The following KLHL7 variants were observed in gnomAD, a reference collection of about 807,000 sequenced individuals.
The protein encoded by KLHL7 is kelch like family member 7.
In KLHL7, 44 loss-of-function variants were observed where a neutral mutation model predicts 67.4. The observed-to-expected ratio is 0.65, with a 90% CI of 0.51 to 0.84. The LOEUF (loss-of-function observed/expected upper bound fraction) is 0.84, where lower values mean the gene tolerates loss of function less well. Among genes scored for constraint, KLHL7 ranks in the 40% least tolerant of loss-of-function variants. KLHL7 has a pLI of 0.00. For synonymous variants in KLHL7, 252 were observed against 243.3 expected (o/e 1.04, Z -0.33); for missense variants, 362 against 718.1 (o/e 0.50, Z 5.67).
intron 1 of KLHL7, among the ~76,000 whole-genome samples, chr7:23,121,865 G>T (rs1488962631): frequency 6.6e-6 from 1 of 151,856 alleles, no homozygotes; most frequent in African/African-American, 2.4e-5. Flanking sequence ...TGTATTTTTA[G>T]TAGAGGCGGG....
At chr7:23,106,715 CCT>C in intron 1 of KLHL7, 2 of 995,984 alleles carry the variant, frequency 2.0e-6, no homozygotes, top group Non-Finnish European at 2.4e-6. Context: ...GCACTGTGCG[CCT>C]CTGTTATTAA....
At chr7:23,107,178 T>C (rs532308647) in intron 1 of KLHL7, among the ~76,000 whole-genome samples, 117 of 152,374 alleles carry the variant, frequency 7.7e-4, no homozygotes, top group Non-Finnish European at 1.4e-3. Flanking sequence ...CCTGCTACAG[T>C]GCACCAGTGC....
chr7:23,164,695 AT>A (rs1365267601), intron 7 of KLHL7, among the ~76,000 whole-genome samples: 1 of 152,240 alleles, frequency 6.6e-6, no homozygotes, highest in African/African-American at 2.4e-5. Flanking sequence ...AGTATTCTAC[AT>A]TAGGGGCTCT....
chr7:23,141,065 C>A, intron 5 of KLHL7, 121 bp downstream of exon 5: 2 of 891,442 alleles, frequency 2.2e-6, no homozygotes, highest in African/African-American at 1.7e-5. Context: ...GTTCTTTACA[C>A]TAAACAGAGT....
At chr7:23,119,307 C>T (rs1174718862) in intron 1 of KLHL7, among the ~76,000 whole-genome samples, 4 of 152,166 alleles carry the variant, frequency 2.6e-5, no homozygotes, top group African/African-American at 9.6e-5. Flanking sequence ...TGGGTTCAAG[C>T]GATTCTCATG....
chr7:23,137,485 T>TG (rs199727229), intron 4 of KLHL7, among the ~76,000 whole-genome samples: 184 of 101,714 alleles, frequency 1.8e-3, no homozygotes, highest in African/African-American at 0.011. Context: ...CAAAACTGTC[T>TG]TTTTTTTTTT....
chr7:23,164,608 A>G (rs1043949126), intron 7 of KLHL7, among the ~76,000 whole-genome samples: 4 of 151,042 alleles, frequency 2.6e-5, no homozygotes, highest in African/African-American at 9.8e-5. Context: ...TTAATTAGAG[A>G]ATAACATCCT....
At chr7:23,120,840 G>A (rs73272061) in intron 1 of KLHL7, among the ~76,000 whole-genome samples, 2,589 of 152,266 alleles carry the variant, frequency 0.017, 92 homozygotes, top group African/African-American at 0.059. Flanking sequence ...TGGGATTACA[G>A]ATGTAACCCA....
At chr7:23,116,232 C>T (rs570548264) in intron 1 of KLHL7, among the ~76,000 whole-genome samples, 2 of 152,322 alleles carry the variant, frequency 1.3e-5, no homozygotes, top group East Asian at 3.9e-4. Flanking sequence ...GGTTTGTCCT[C>T]CTTTCCTCTC....
At chr7:23,172,416 G>T (rs1785190070) in intron 9 of KLHL7, among the ~76,000 whole-genome samples, 1 of 152,140 alleles carries the variant, frequency 6.6e-6, no homozygotes, top group African/African-American at 2.4e-5. Context: ...GCAGCATAAA[G>T]TTCTTAGTGT....
intron 4 of KLHL7, among the ~76,000 whole-genome samples, chr7:23,128,089 C>T (rs970122881): frequency 2.1e-4 from 31 of 149,596 alleles, no homozygotes; most frequent in Non-Finnish European, 4.3e-4. Flanking sequence ...GCCGAGATTG[C>T]GCCACTGCAC....
At chr7:23,111,126 C>T (rs781698210) in intron 1 of KLHL7, among the ~76,000 whole-genome samples, 1 of 152,060 alleles carries the variant, frequency 6.6e-6, no homozygotes, top group Non-Finnish European at 1.5e-5. Context: ...AGGAGAATAA[C>T]ATGGTACAAC....
At position 23,152,058 on chromosome 7, in the gene KLHL7, T is replaced by G; in HGVS notation, c.794-9T>G. ...AGTTCTTGAAGCGTTGCCATGTATT[T>G]TACTACAGGTGGAATGAGGTACCAT... On this transcript the variant is annotated splice_polypyrimidine_tract_variant and intron_variant, in intron 6 of 10. Coordinates refer to ENST00000339077, the MANE Select transcript of KLHL7 (RefSeq NM_001031710.3). 1 of 1,613,738 alleles carries G rather than the reference T, an allele frequency of 6.2e-7. No homozygotes were observed. The highest frequency in any genetic ancestry group is 8.5e-7 in the Non-Finnish European group (1 of 1,179,706).
At chr7:23,151,639 C>G (rs911409847) in intron 6 of KLHL7, among the ~76,000 whole-genome samples, 2 of 152,182 alleles carry the variant, frequency 1.3e-5, no homozygotes, top group Non-Finnish European at 2.9e-5. Context: ...ATACCAATTC[C>G]TAAACACTAC....
chr7:23,157,508 C>G (rs766701830), intron 7 of KLHL7, among the ~76,000 whole-genome samples: 1 of 152,214 alleles, frequency 6.6e-6, no homozygotes, highest in African/African-American at 2.4e-5. Flanking sequence ...GTTTGTTAGA[C>G]AGGTGGTCTT....
intron 9 of KLHL7, among the ~76,000 whole-genome samples, chr7:23,172,497 GT>G (rs2128470387): frequency 6.6e-6 from 1 of 152,248 alleles, no homozygotes; most frequent in African/African-American, 2.4e-5. Flanking sequence ...CCCATTATAA[GT>G]TTGTGTTTTA....
chr7:23,143,771 C>G, intron 5 of KLHL7, 80 bp from the exon 6 acceptor site: 1 of 1,398,070 alleles, frequency 7.2e-7, no homozygotes, highest in South Asian at 1.2e-5. Context: ...GGTTCTCTCC[C>G]TTCAATATGA....
chr7:23,165,669 T>G (rs770091967), intron 7 of KLHL7, 29 bp from the exon 8 acceptor site: 5 of 1,613,876 alleles, frequency 3.1e-6, no homozygotes, highest in Non-Finnish European at 4.2e-6. Flanking sequence ...TTTTCCTTAC[T>G]GAAAGCTTCC....
chr7:23,141,839 G>T (rs569890790), intron 5 of KLHL7, among the ~76,000 whole-genome samples: 1 of 152,216 alleles, frequency 6.6e-6, no homozygotes, highest in South Asian at 2.1e-4. Context: ...TAGCCAGGAT[G>T]GTCTAGATCT....
Sources: allele counts gnomAD v4.1 joint callset (sites outside exome capture counted in the v4.1 genomes callset), GRCh38; gene constraint gnomAD v4.1.1; transcripts MANE v1.5; gene names NCBI Gene and HGNC (gene_info 2026-07-23, HGNC 2026-07-21).